The following CACNA1C variants were observed in gnomAD, a reference collection of about 807,000 sequenced individuals.
The protein encoded by CACNA1C is voltage-dependent L-type calcium channel subunit alpha-1C.
Under a neutral mutation model 229.0 loss-of-function variants are expected in CACNA1C, and 30 were observed. The ratio of observed to expected loss-of-function variants is 0.13; its 90% CI spans 0.10 to 0.18. CACNA1C has a LOEUF of 0.18. Among genes scored for constraint, CACNA1C ranks in the 10% least tolerant of loss-of-function variants. The pLI, the probability that CACNA1C is intolerant of heterozygous loss-of-function variation, is 1.00. For missense variants in CACNA1C, 1,658 were observed against 2,845.0 expected (o/e 0.58, Z 9.49); for synonymous variants, 1,114 against 1,132.5 (o/e 0.98, Z 0.33).
chr12:1,984,558 C>T (rs529618344), intron 1 of CACNA1C, among the ~76,000 whole-genome samples: 1 of 152,004 alleles, frequency 6.6e-6, no homozygotes, highest in African/African-American at 2.4e-5. Context: ...CATCCGTATA[C>T]ACTGAACCTC....
intron 9 of CACNA1C, among the ~76,000 whole-genome samples, chr12:2,529,295 A>T (rs1459547659): frequency 6.6e-6 from 1 of 151,758 alleles, no homozygotes; most frequent in Non-Finnish European, 1.5e-5. Context: ...GCTCCCAGAA[A>T]CCCCATTCCA....
chr12:2,164,772 A>G lies in CACNA1C; in HGVS notation c.477+44342A>G, dbSNP rs569533937. On this transcript the variant is annotated intron_variant, in intron 3 of 46. Transcript: ENST00000399655. ...TGAGCAAGTCACCTTGTTAAGTACCACTTTCTTTTCAGAAACATGGAGTTA... is the reference window on the plus strand; with the variant it reads ...TGAGCAAGTCACCTTGTTAAGTACCGCTTTCTTTTCAGAAACATGGAGTTA... 6.6e-5 allele frequency among the ~76,000 whole-genome samples: 10 copies of G among 152,294 alleles called. No individual in the cohort carries two copies. In the East Asian group the frequency reaches 1.9e-3, roughly 29 times the overall value.
At chr12:2,472,266 A>G (rs2099597527) in intron 5 of CACNA1C, among the ~76,000 whole-genome samples, 4 of 152,088 alleles carry the variant, frequency 2.6e-5, no homozygotes, top group Admixed American at 2.6e-4. Context: ...GCCATGTTAT[A>G]GTATCTCATT....
chr12:2,033,560 G>T (rs192401062), intron 1 of CACNA1C, among the ~76,000 whole-genome samples: 2 of 152,290 alleles, frequency 1.3e-5, no homozygotes, highest in Admixed American at 1.3e-4. Context: ...ATTGTGTTCA[G>T]AGCTTTGGAC....
chr12:2,400,749 C>T (rs1395612934), intron 3 of CACNA1C, among the ~76,000 whole-genome samples: 1 of 152,164 alleles, frequency 6.6e-6, no homozygotes, highest in Non-Finnish European at 1.5e-5. Flanking sequence ...ATCTGGCCTG[C>T]TCACCACTGA....
chr12:2,209,908 C>T (rs746136744), intron 3 of CACNA1C, among the ~76,000 whole-genome samples: 1 of 152,104 alleles, frequency 6.6e-6, no homozygotes, highest in African/African-American at 2.4e-5. Context: ...AAATGTGTGT[C>T]TGGTTATGTT....
Position 2,418,473 on chromosome 12 carries a change from C to G in CACNA1C, c.478-30503C>G, listed in dbSNP as rs374287562. ...GAGGGCAGGGGAAGAGCCTGTAAAACAAGCCCTGCCCACAGCAGACTGTTG... is the reference window on the plus strand; with the variant it reads ...GAGGGCAGGGGAAGAGCCTGTAAAAGAAGCCCTGCCCACAGCAGACTGTTG... On this transcript the variant is annotated intron_variant, in intron 3 of 46. Transcript: ENST00000399655. 2.4e-4 allele frequency among the ~76,000 whole-genome samples: 37 copies of G among 152,192 alleles called. No individual in the cohort carries two copies. In the South Asian group the frequency reaches 7.5e-3, roughly 31 times the overall value.
intron 9 of CACNA1C, among the ~76,000 whole-genome samples, chr12:2,516,373 T>C (rs1229255452): frequency 6.6e-6 from 1 of 151,764 alleles, no homozygotes; most frequent in East Asian, 1.9e-4. Flanking sequence ...TTACTGGGAG[T>C]GAACCAAAGA....
chr12:2,078,665 A>G (rs1202216492), intron 1 of CACNA1C, among the ~76,000 whole-genome samples: 1 of 152,224 alleles, frequency 6.6e-6, no homozygotes, highest in African/African-American at 2.4e-5. Context: ...ATGCACATAT[A>G]GTTAACACTA....
At chr12:2,340,681 G>A (rs1283458445) in intron 3 of CACNA1C, among the ~76,000 whole-genome samples, 2 of 152,220 alleles carry the variant, frequency 1.3e-5, no homozygotes, top group African/African-American at 2.4e-5. Context: ...ACACTGGCTG[G>A]GTGTGGTGGC....
At chr12:2,547,378 C>G (rs1232993761) in intron 9 of CACNA1C, 1 of 753,136 alleles carries the variant, frequency 1.3e-6, no homozygotes, top group African/African-American at 1.7e-5. Flanking sequence ...TTCTCTTGCC[C>G]GTGGCTGACT....
At chr12:2,631,398 C>T (rs1194617005) in intron 29 of CACNA1C, among the ~76,000 whole-genome samples, 1 of 152,190 alleles carries the variant, frequency 6.6e-6, no homozygotes, top group Non-Finnish European at 1.5e-5. Flanking sequence ...CCTGCCCTTC[C>T]CTTCTGAAAT....
intron 3 of CACNA1C, among the ~76,000 whole-genome samples, chr12:2,303,028 G>C (rs11610331): frequency 1.7e-3 from 255 of 152,356 alleles, no homozygotes; most frequent in Middle Eastern, 3.4e-3. Context: ...GCAGGGTGCA[G>C]AGCTCCTCCT....
chr12:2,474,307 G>A, intron 5 of CACNA1C, among the ~76,000 whole-genome samples: 1 of 152,154 alleles, frequency 6.6e-6, no homozygotes, highest in Non-Finnish European at 1.5e-5. Context: ...CACTCCAAGA[G>A]GCTCTGTCAA....
chr12:2,138,888 T>G (rs1309489404), intron 3 of CACNA1C, among the ~76,000 whole-genome samples: 1 of 150,662 alleles, frequency 6.6e-6, no homozygotes, highest in Admixed American at 6.7e-5. Flanking sequence ...TTGGAGTCCC[T>G]TCTTGTAGGA....
chr12:2,545,433 GCTC>G (rs1247494266), intron 9 of CACNA1C, among the ~76,000 whole-genome samples: 1 of 151,926 alleles, frequency 6.6e-6, no homozygotes, highest in Non-Finnish European at 1.5e-5. Context: ...TCTTCATTAT[GCTC>G]CTCATCTTCT....
chr12:2,667,667 G>A (rs1302152252), intron 37 of CACNA1C, among the ~76,000 whole-genome samples: 2 of 152,210 alleles, frequency 1.3e-5, no homozygotes, highest in African/African-American at 2.4e-5. Context: ...GCAGCCTGGA[G>A]GGGGCTAAAG....
intron 1 of CACNA1C, among the ~76,000 whole-genome samples, chr12:2,093,551 G>A (rs766171123): frequency 4.6e-5 from 7 of 152,198 alleles, no homozygotes; most frequent in African/African-American, 1.2e-4. Flanking sequence ...ACCTGTACTC[G>A]TGTACCTGCG....
intron 3 of CACNA1C, among the ~76,000 whole-genome samples, chr12:2,430,603 A>G (rs951891443): frequency 2.0e-5 from 3 of 152,042 alleles, no homozygotes; most frequent in Admixed American, 6.5e-5. Context: ...TATGAGACCC[A>G]ATGCTGGCAC....
Sources: gnomAD v4.1 joint callset for allele counts (sites outside exome capture counted in the v4.1 genomes callset) on GRCh38, gnomAD v4.1.1 for gene constraint, MANE v1.5 for transcripts, NCBI Gene and HGNC (gene_info 2026-07-23, HGNC 2026-07-21) for gene names.